Variants in ANAPC5 observed in about 807,000 individuals in gnomAD.
The protein encoded by ANAPC5 is anaphase-promoting complex subunit 5.
Under a neutral mutation model 91.3 loss-of-function variants are expected in ANAPC5, and 60 were observed. The observed-to-expected ratio is 0.66, with a 90% CI of 0.53 to 0.81. The LOEUF (loss-of-function observed/expected upper bound fraction) is 0.81, where lower values mean the gene tolerates loss of function less well. Ranked by LOEUF, ANAPC5 falls within the 40% of genes least tolerant of loss-of-function variation. The pLI, the probability that ANAPC5 is intolerant of heterozygous loss-of-function variation, is 0.00. For missense variants in ANAPC5, 690 were observed against 931.5 expected, an observed-to-expected ratio of 0.74 and a Z score of 3.37; for synonymous variants, 340 against 364.1, an observed-to-expected ratio of 0.93 and a Z score of 0.75.
At position 121,352,124 on chromosome 12, in the gene ANAPC5, C is replaced by A. The variant is rs1799525; in HGVS notation, c.207+10G>T. The stretch of plus-strand genomic sequence containing the variant: ...TGCTGCACGAGCAGGAGCCAGCGGG[C>A]GCCTCTCACCTGCAGCAGGGGCAGG... On this transcript the variant is annotated intron_variant, in intron 1 of 16. Coordinates refer to ENST00000261819, the MANE Select transcript of ANAPC5 (RefSeq NM_016237.5). The A allele has an allele frequency of 0.61, 967,327 of 1,593,582 alleles. 301,202 individuals carry two copies. The highest frequency in any genetic ancestry group is 0.63 in the East Asian group (28,148 of 44,364).
chr12:121,339,674 G>GA (rs1903369021), intron 5 of ANAPC5, among the ~76,000 whole-genome samples: 1 of 151,974 alleles, frequency 6.6e-6, no homozygotes, highest in Non-Finnish European at 1.5e-5. Flanking sequence ...TCACCATGTT[G>GA]GTCAGGCTGG....
At chr12:121,339,749 A>G (rs7963796) in intron 5 of ANAPC5, among the ~76,000 whole-genome samples, 128,344 of 152,200 alleles carry the variant, frequency 0.84, 56,684 homozygotes, top group East Asian at 0.99. Context: ...GATTACAGGC[A>G]TGAGCTGCCA....
At chr12:121,333,903 T>C (rs1903133421) in intron 7 of ANAPC5, 1 of 152,174 alleles carries the variant, frequency 6.6e-6, no homozygotes, top group Non-Finnish European at 1.5e-5. Flanking sequence ...ATTACTTATA[T>C]GATATGGCTT....
intron 16 of ANAPC5, 116 bp from the exon 17 acceptor site, chr12:121,308,807 T>C (rs1902043907): frequency 2.2e-6 from 2 of 896,054 alleles, no homozygotes; most frequent in Admixed American, 2.2e-5. Context: ...TTTTATATTC[T>C]CCATTCTTTG....
At chr12:121,344,355 G>A (rs1384278800) in intron 4 of ANAPC5, among the ~76,000 whole-genome samples, 1 of 152,214 alleles carries the variant, frequency 6.6e-6, no homozygotes. Flanking sequence ...AAGGCGGGTG[G>A]ATCACCTGAG....
chr12:121,321,961 G>A (rs551117570), intron 11 of ANAPC5, among the ~76,000 whole-genome samples: 6 of 151,752 alleles, frequency 4.0e-5, no homozygotes, highest in South Asian at 2.1e-4. Flanking sequence ...TGCCTCCCGC[G>A]TTCAAGCGAT....
chr12:121,327,432 G>C (rs368729676), intron 10 of ANAPC5: 7 of 596,598 alleles, frequency 1.2e-5, no homozygotes, highest in African/African-American at 1.9e-5. Flanking sequence ...TGTGCAGCGC[G>C]AGGAGACACG....
intron 7 of ANAPC5, chr12:121,334,923 C>A (rs190967572): frequency 2.6e-5 from 4 of 152,168 alleles, no homozygotes; most frequent in African/African-American, 9.7e-5. Context: ...GGCACTAAGA[C>A]GGCAATGTTA....
At chr12:121,323,225 AT>A (rs988262760) in intron 11 of ANAPC5, among the ~76,000 whole-genome samples, 64 of 152,314 alleles carry the variant, frequency 4.2e-4, no homozygotes, top group African/African-American at 1.5e-3. Flanking sequence ...ACTGCTTTAA[AT>A]TTAATTTCAA....
At chr12:121,310,869 G>A (rs189909896) in intron 15 of ANAPC5, among the ~76,000 whole-genome samples, 2 of 146,230 alleles carry the variant, frequency 1.4e-5, no homozygotes, top group East Asian at 2.0e-4. Context: ...AGGAGGTAAT[G>A]GATGCAGTGA....
intron 11 of ANAPC5, among the ~76,000 whole-genome samples, chr12:121,323,960 A>G (rs750493630): frequency 1.4e-4 from 22 of 152,112 alleles, no homozygotes; most frequent in Admixed American, 2.6e-4. Context: ...AATTACATGG[A>G]AAGAGCAAAG....
At chr12:121,329,143 A>G (rs1369807460) in intron 9 of ANAPC5, 5 of 152,110 alleles carry the variant, frequency 3.3e-5, no homozygotes, top group African/African-American at 9.7e-5. Context: ...CAAGCTACAG[A>G]TTTGTTTTTT....
intron 16 of ANAPC5, 45 bp from the exon 17 acceptor site, chr12:121,308,736 C>T (rs752555885): frequency 1.4e-6 from 2 of 1,476,004 alleles, no homozygotes; most frequent in South Asian, 2.3e-5. Flanking sequence ...CTCAACCCTT[C>T]ACGTATAGTT....
chr12:121,353,435 CTTTTGTTTTG>C (rs61516038), upstream of ANAPC5, among the ~76,000 whole-genome samples: 4 of 150,826 alleles, frequency 2.7e-5, no homozygotes, highest in African/African-American at 9.7e-5. Flanking sequence ...TGCCTTGTGC[CTTTTGTTTTG>C]TTTTGTTTTG....
At chr12:121,311,176 C>T (rs1330735619) in intron 15 of ANAPC5, among the ~76,000 whole-genome samples, 1 of 151,952 alleles carries the variant, frequency 6.6e-6, no homozygotes, top group African/African-American at 2.4e-5. Flanking sequence ...GGGAGGATCC[C>T]ATCAGCCCAG....
At chr12:121,310,214 C>T (rs1328710275) in intron 15 of ANAPC5, 2 of 158,362 alleles carry the variant, frequency 1.3e-5, no homozygotes, top group African/African-American at 4.9e-5. Context: ...GCAAAAGAAA[C>T]AAGAGATTCC....
intron 1 of ANAPC5, chr12:121,351,091 G>A: frequency 4.4e-6 from 2 of 449,832 alleles, no homozygotes; most frequent in Admixed American, 4.8e-5. Context: ...ACACATGACG[G>A]CCGGGCGCAG....
At chr12:121,337,248 T>A in intron 6 of ANAPC5, 43 bp downstream of exon 6, 1 of 1,528,274 alleles carries the variant, frequency 6.5e-7, no homozygotes, top group Non-Finnish European at 9.0e-7. Context: ...AGTTGCCTTG[T>A]CATTCCTTTC....
At chr12:121,339,980 G>A (rs917480916) in intron 5 of ANAPC5, among the ~76,000 whole-genome samples, 4 of 146,670 alleles carry the variant, frequency 2.7e-5, no homozygotes, top group South Asian at 2.3e-4. Flanking sequence ...AGGTTCAAGC[G>A]ATTCTCCTGC....
Sources: allele counts gnomAD v4.1 joint callset (sites outside exome capture counted in the v4.1 genomes callset), GRCh38; gene constraint gnomAD v4.1.1; transcripts MANE v1.5; gene names NCBI Gene and HGNC (gene_info 2026-07-23, HGNC 2026-07-21).